The following ANK2 variants were observed in gnomAD, a reference collection of about 807,000 sequenced individuals.
ANK2 encodes the protein ankyrin 2.
Under a neutral mutation model 360.5 loss-of-function variants are expected in ANK2, and 83 were observed. The observed-to-expected ratio is 0.23, with a 90% confidence interval of 0.19 to 0.28. The LOEUF (loss-of-function observed/expected upper bound fraction) is 0.28. Among genes scored for constraint, ANK2 ranks in the 10% least tolerant of loss-of-function variants. ANK2 has a pLI of 1.00. For synonymous variants in ANK2, 1,740 were observed against 1,759.5 expected, an observed-to-expected ratio of 0.99 and a Z score of 0.28; for missense variants, 4,201 against 4,795.7, an observed-to-expected ratio of 0.88 and a Z score of 3.66.
At chr4:112,806,412 C>T in the ANK2 span, among the ~76,000 whole-genome samples, 1 of 152,200 alleles carries the variant, frequency 6.6e-6, no homozygotes, top group African/African-American at 2.4e-5. Flanking sequence ...TGCTACTCCA[C>T]TGTGTGTATA....
chr4:113,101,551 A>ACATT (rs1209000333), intron 1 of ANK2, among the ~76,000 whole-genome samples: 1 of 152,146 alleles, frequency 6.6e-6, no homozygotes, highest in African/African-American at 2.4e-5. Flanking sequence ...ATTCTTTCAT[A>ACATT]CATTCATGCA....
At chr4:113,292,091 G>A (rs1270327387) in intron 20 of ANK2, among the ~76,000 whole-genome samples, 1 of 152,194 alleles carries the variant, frequency 6.6e-6, no homozygotes, top group Non-Finnish European at 1.5e-5. Context: ...CAGCTCAGAT[G>A]TGAGCAGAAG....
At chr4:113,378,702 C>T (rs541969649) in intron 45 of ANK2, among the ~76,000 whole-genome samples, 2 of 152,228 alleles carry the variant, frequency 1.3e-5, no homozygotes, top group East Asian at 3.9e-4. Flanking sequence ...GATGCTGAAA[C>T]CTGGGGCTTT....
intron 2 of ANK2, among the ~76,000 whole-genome samples, chr4:113,042,525 G>GGATTACAT (rs1335716296): frequency 2.0e-5 from 3 of 152,110 alleles, no homozygotes; most frequent in African/African-American, 7.2e-5. Context: ...TCACATTGGG[G>GGATTACAT]GTTTGAATTT....
intron 1 of ANK2, among the ~76,000 whole-genome samples, chr4:113,108,149 T>C (rs1008834551): frequency 6.6e-6 from 1 of 152,188 alleles, no homozygotes; most frequent in African/African-American, 2.4e-5. Flanking sequence ...TTTTTAAAAA[T>C]AAACAATACC....
intron 15 of ANK2, among the ~76,000 whole-genome samples, chr4:113,275,839 A>G (rs2060020106): frequency 6.6e-6 from 1 of 151,970 alleles, no homozygotes. Context: ...AGATAATAAA[A>G]CGTAGTCTTT....
At chr4:113,035,948 A>G (rs1453496217) in intron 2 of ANK2, among the ~76,000 whole-genome samples, 1 of 151,966 alleles carries the variant, frequency 6.6e-6, no homozygotes, top group Non-Finnish European at 1.5e-5. Context: ...GCATTTGTAC[A>G]ACTGCCAAAA....
chr4:112,800,403 G>C, the ANK2 span, among the ~76,000 whole-genome samples: 85 of 152,270 alleles, frequency 5.6e-4, no homozygotes, highest in African/African-American at 1.9e-3. Flanking sequence ...GCGTGTGTGT[G>C]TATGTGTGTG....
At chr4:112,793,224 C>T in the ANK2 span, among the ~76,000 whole-genome samples, 1,339 of 151,978 alleles carry the variant, frequency 8.8e-3, 12 homozygotes, top group African/African-American at 0.031. Flanking sequence ...TTTTTAAAAG[C>T]GCTGACTTGA....
At chr4:113,044,651 G>A (rs1339246962) in intron 2 of ANK2, among the ~76,000 whole-genome samples, 1 of 152,134 alleles carries the variant, frequency 6.6e-6, no homozygotes, top group Admixed American at 6.6e-5. Flanking sequence ...CCTCTTCCCA[G>A]CTTTTAGTGG....
chr4:112,948,663 T>C (rs9992666), intron 2 of ANK2, among the ~76,000 whole-genome samples: 1 of 152,230 alleles, frequency 6.6e-6, no homozygotes, highest in African/African-American at 2.4e-5. Context: ...TTATAGCTTT[T>C]AAATCCCTGT....
chr4:112,742,782 T>TGGC, the ANK2 span, among the ~76,000 whole-genome samples: 1 of 151,788 alleles, frequency 6.6e-6, no homozygotes, highest in Non-Finnish European at 1.5e-5. Context: ...TGGAGTACAG[T>TGGC]GGCATGATCT....
rs186906645 is a variant in ANK2 at position 112,837,394 on chromosome 4, G to A, written c.-40+19130G>A. ...GCAGCTGCAGGGATGGAGCCCTCAT[G>A]GCGAACCTCTGCTGGGGCAATGCAG... On this transcript the variant is annotated intron_variant, in intron 1 of 30. Transcript: ENST00000503271. Among the ~76,000 whole-genome samples the A allele has an allele frequency of 3.9e-5, 6 of 152,362 alleles. No homozygotes were observed. The East Asian group carries it at 1.2e-3, about 29-fold the overall frequency.
At chr4:113,196,327 A>C in intron 2 of ANK2, 41 bp from the exon 3 acceptor site, 5 of 1,519,316 alleles carry the variant, frequency 3.3e-6, no homozygotes, top group Non-Finnish European at 4.6e-6. Context: ...TATTTTCCTC[A>C]TTACTTCACT....
chr4:112,866,733 T>C (rs1490254769), intron 1 of ANK2, among the ~76,000 whole-genome samples: 1 of 152,146 alleles, frequency 6.6e-6, no homozygotes, highest in Non-Finnish European at 1.5e-5. Flanking sequence ...CTGATGTGAA[T>C]TTTAAATTTT....
intron 1 of ANK2, among the ~76,000 whole-genome samples, chr4:113,059,497 T>C (rs574420450): frequency 4.6e-5 from 7 of 152,228 alleles, no homozygotes; most frequent in African/African-American, 1.7e-4. Context: ...AGAGACTGTA[T>C]AAATAGCCTA....
At chr4:113,326,279 T>TATC (rs2089848340) in intron 26 of ANK2, among the ~76,000 whole-genome samples, 1 of 152,206 alleles carries the variant, frequency 6.6e-6, no homozygotes, top group East Asian at 1.9e-4. Flanking sequence ...AATTTTATAT[T>TATC]ATCAACTGTT....
At chr4:113,093,354 T>C (rs2089493129) in intron 1 of ANK2, among the ~76,000 whole-genome samples, 1 of 152,118 alleles carries the variant, frequency 6.6e-6, no homozygotes, top group South Asian at 2.1e-4. Context: ...TGTGTATTTA[T>C]ATTTATTTTA....
intron 1 of ANK2, among the ~76,000 whole-genome samples, chr4:112,844,694 G>A (rs1222741945): frequency 1.3e-5 from 2 of 152,194 alleles, no homozygotes; most frequent in Non-Finnish European, 2.9e-5. Flanking sequence ...AATGGATTTA[G>A]GAGTGAGCCT....
Sources: allele counts gnomAD v4.1 joint callset (sites outside exome capture counted in the v4.1 genomes callset), GRCh38; gene constraint gnomAD v4.1.1; transcripts MANE v1.5; gene names NCBI Gene and HGNC (gene_info 2026-07-23, HGNC 2026-07-21).